The following TANC2 variants were observed in gnomAD, a reference collection of about 807,000 sequenced individuals.
TANC2 encodes protein TANC2.
In TANC2, 26 loss-of-function variants were observed where a neutral mutation model predicts 210.5. That is an observed-to-expected ratio of 0.12 (90% CI 0.09 to 0.17). The LOEUF (loss-of-function observed/expected upper bound fraction) is 0.17. Among genes scored for constraint, TANC2 ranks in the 10% least tolerant of loss-of-function variants. TANC2 has a pLI of 1.00. For synonymous variants in TANC2, 931 were observed against 967.1 expected (o/e 0.96, Z 0.69); for missense variants, 2,129 against 2,608.9 (o/e 0.82, Z 4.01).
intron 12 of TANC2, among the ~76,000 whole-genome samples, chr17:63,341,319 C>G (rs547520589): frequency 6.6e-6 from 1 of 152,314 alleles, no homozygotes; most frequent in African/African-American, 2.4e-5. Context: ...CGTTTCTCCA[C>G]AAGTATTTTT....
intron 2 of TANC2, among the ~76,000 whole-genome samples, chr17:63,026,614 T>C (rs1286091764): frequency 6.6e-6 from 1 of 152,196 alleles, no homozygotes; most frequent in African/African-American, 2.4e-5. Context: ...CACTGGTACA[T>C]TGCATTGTTC....
chr17:63,061,218 T>G (rs1034187337), intron 2 of TANC2, among the ~76,000 whole-genome samples: 1 of 151,950 alleles, frequency 6.6e-6, no homozygotes, highest in Non-Finnish European at 1.5e-5. Flanking sequence ...AATACAAAAA[T>G]TAGCCGGGCG....
intron 2 of TANC2, among the ~76,000 whole-genome samples, chr17:63,056,602 C>T (rs1275588524): frequency 6.6e-6 from 1 of 152,028 alleles, no homozygotes; most frequent in Non-Finnish European, 1.5e-5. Flanking sequence ...TCACTTGAGC[C>T]CAGGAGGTGG....
At chr17:63,189,867 T>C (rs1050822088) in intron 5 of TANC2, among the ~76,000 whole-genome samples, 4 of 152,244 alleles carry the variant, frequency 2.6e-5, no homozygotes, top group African/African-American at 9.6e-5. Flanking sequence ...TGTTTTCTTC[T>C]AAGAGTTTTA....
intron 2 of TANC2, among the ~76,000 whole-genome samples, chr17:63,018,516 A>C (rs1389547292): frequency 6.6e-6 from 1 of 151,910 alleles, no homozygotes; most frequent in East Asian, 1.9e-4. Flanking sequence ...AAAATAAACA[A>C]AAAATAAAAC....
At chr17:63,244,699 G>A (rs866604618) in intron 8 of TANC2, among the ~76,000 whole-genome samples, 6 of 152,080 alleles carry the variant, frequency 3.9e-5, no homozygotes, top group Admixed American at 2.0e-4. Context: ...GTAAACCGCC[G>A]ATTTCTTTAG....
At chr17:63,215,096 G>A (rs1343704345) in intron 7 of TANC2, among the ~76,000 whole-genome samples, 1 of 152,092 alleles carries the variant, frequency 6.6e-6, no homozygotes, top group Non-Finnish European at 1.5e-5. Flanking sequence ...TTAAGAACAG[G>A]AATGATCTAC....
chr17:63,132,385 G>C (rs1259475850), intron 4 of TANC2, among the ~76,000 whole-genome samples: 1 of 152,118 alleles, frequency 6.6e-6, no homozygotes, highest in Non-Finnish European at 1.5e-5. Context: ...TACTTTTTAA[G>C]TATTTATAGA....
chr17:62,971,985 CT>C (rs1392280229), intron 1 of TANC2, among the ~76,000 whole-genome samples: 2 of 152,138 alleles, frequency 1.3e-5, no homozygotes, highest in Non-Finnish European at 2.9e-5. Flanking sequence ...GGACATTTTA[CT>C]TTGCGTATTT....
chr17:63,203,859 G>T (rs573668031), intron 7 of TANC2, among the ~76,000 whole-genome samples: 1 of 152,164 alleles, frequency 6.6e-6, no homozygotes, highest in Non-Finnish European at 1.5e-5. Context: ...AGCCAAGGGA[G>T]ACACATGTTC....
intron 4 of TANC2, chr17:63,125,098 A>G (rs1467447440): frequency 1.3e-5 from 2 of 152,166 alleles, no homozygotes; most frequent in Non-Finnish European, 2.9e-5. Flanking sequence ...AAAGCAGTTA[A>G]CTGTTTTACC....
chr17:63,356,360 A>G (rs1199543211), intron 14 of TANC2, among the ~76,000 whole-genome samples: 2 of 152,202 alleles, frequency 1.3e-5, no homozygotes, highest in Non-Finnish European at 2.9e-5. Context: ...GAAGACACCA[A>G]CAACATAGCT....
At chr17:63,101,037 T>C (rs1444764865) in intron 4 of TANC2, among the ~76,000 whole-genome samples, 2 of 152,192 alleles carry the variant, frequency 1.3e-5, no homozygotes, top group Non-Finnish European at 2.9e-5. Context: ...ACAACTTTAC[T>C]GAAAGAGTAT....
At chr17:63,148,848 A>G (rs1177628778) in intron 4 of TANC2, 31 of 152,096 alleles carry the variant, frequency 2.0e-4, no homozygotes, top group Admixed American at 6.6e-5. Context: ...TTGCCCTTCT[A>G]TGTTCTCCAC....
At position 63,248,249 on chromosome 17, in the gene TANC2, C is replaced by A. The variant is rs115837616; in HGVS notation, c.1033+10172C>A. 8.4e-3 allele frequency among the ~76,000 whole-genome samples: 1,285 copies of A among 152,102 alleles called. 15 individuals are homozygous for A. The highest frequency in any genetic ancestry group is 0.028 in the African/African-American group (1,176 of 41,516). On this transcript the variant is annotated intron_variant, in intron 8 of 27. Coordinates refer to ENST00000689528, the Ensembl canonical transcript of TANC2. ...GAAGTGGTTCCCTAAACTGGGGAGA[C>A]TCCGATGCTAAATCTCTGGTGAACA...
At chr17:63,346,043 T>C (rs758354043) in intron 12 of TANC2, among the ~76,000 whole-genome samples, 58 of 152,200 alleles carry the variant, frequency 3.8e-4, no homozygotes, top group Admixed American at 1.5e-3. Context: ...TGTCATCAGA[T>C]GGTACTGGAA....
At chr17:63,189,364 A>G (rs530393257) in intron 5 of TANC2, among the ~76,000 whole-genome samples, 1 of 152,328 alleles carries the variant, frequency 6.6e-6, no homozygotes, top group South Asian at 2.1e-4. Flanking sequence ...GTGTCTGCAC[A>G]ATTTTACATT....
rs915008252 is a variant in TANC2, at chr17:63,019,606, A to G, written c.67+9980A>G. Among the ~76,000 whole-genome samples the G allele has an allele frequency of 3.9e-5, 6 of 152,164 alleles. No individual in the cohort carries two copies. The East Asian group carries it at 5.8e-4, about 15-fold the overall frequency. ...ATTTATTTGTATAAATTTATTGAGT[A>G]TAGGTGTGGTTTTGTTACATACCTA... On this transcript the variant is annotated intron_variant, in intron 2 of 27. Coordinates refer to ENST00000689528, the Ensembl canonical transcript of TANC2.
intron 6 of TANC2, 73 bp from the exon 7 acceptor site, chr17:63,200,698 A>G (rs2041504081): frequency 1.5e-6 from 2 of 1,340,264 alleles, no homozygotes; most frequent in Non-Finnish European, 1.0e-6. Flanking sequence ...TCATCAAAGC[A>G]TTTATTTTAT....
Sources: allele counts gnomAD v4.1 joint callset (sites outside exome capture counted in the v4.1 genomes callset), GRCh38; gene constraint gnomAD v4.1.1; transcripts MANE v1.5; gene names NCBI Gene and HGNC (gene_info 2026-07-23, HGNC 2026-07-21).